ASTN1: variants seen among roughly 807,000 people sequenced by gnomAD.
ASTN1 encodes astrotactin-1.
Under a neutral mutation model 140.7 loss-of-function variants are expected in ASTN1, and 41 were observed. The observed-to-expected ratio is 0.29, with a 90% CI of 0.23 to 0.38. The LOEUF is 0.38. Ranked by LOEUF, ASTN1 falls within the 10% of genes least tolerant of loss-of-function variation. The pLI, the probability that ASTN1 is intolerant of heterozygous loss-of-function variation, is 1.00. For synonymous variants in ASTN1, 640 were observed against 652.2 expected, an observed-to-expected ratio of 0.98 and a Z score of 0.29; for missense variants, 1,479 against 1,678.8, an observed-to-expected ratio of 0.88 and a Z score of 2.08.
chr1:177,011,880 T>C (rs1244753202), intron 8 of ASTN1, among the ~76,000 whole-genome samples: 1 of 152,180 alleles, frequency 6.6e-6, no homozygotes, highest in African/African-American at 2.4e-5. Flanking sequence ...ATCAATTTTC[T>C]TCCTTGTCTG....
At chr1:177,164,029 G>T (rs1020320943) in intron 1 of ASTN1, among the ~76,000 whole-genome samples, 3 of 152,074 alleles carry the variant, frequency 2.0e-5, no homozygotes, top group Non-Finnish European at 2.9e-5. Context: ...GCTAGGGAGT[G>T]GGGAGAAGGG....
At chr1:177,113,002 C>T (rs1031014413) in intron 1 of ASTN1, among the ~76,000 whole-genome samples, 3 of 152,180 alleles carry the variant, frequency 2.0e-5, no homozygotes, top group Non-Finnish European at 2.9e-5. Flanking sequence ...TTTCCCAACG[C>T]TGAACAAAGC....
At chr1:176,878,387 C>T (rs970318669) in intron 20 of ASTN1, among the ~76,000 whole-genome samples, 1 of 151,992 alleles carries the variant, frequency 6.6e-6, no homozygotes, top group Non-Finnish European at 1.5e-5. Context: ...TGATTCCAAA[C>T]TCAAGGTCTT....
intron 22 of ASTN1, among the ~76,000 whole-genome samples, chr1:176,866,910 CAG>C (rs968235689): frequency 4.6e-5 from 7 of 152,306 alleles, no homozygotes; most frequent in African/African-American, 1.7e-4. Flanking sequence ...TATTTCAACA[CAG>C]AGGATTTTTC....
At chr1:177,016,731 C>T (rs1040873567) in intron 7 of ASTN1, among the ~76,000 whole-genome samples, 2 of 152,180 alleles carry the variant, frequency 1.3e-5, no homozygotes, top group Admixed American at 6.5e-5. Flanking sequence ...AGGTCTTTGA[C>T]AAATACTGTG....
chr1:176,904,077 C>T (rs1008450622), intron 16 of ASTN1, among the ~76,000 whole-genome samples: 3 of 152,132 alleles, frequency 2.0e-5, no homozygotes, highest in Non-Finnish European at 4.4e-5. Context: ...ATTACATTTG[C>T]AAAAACAGGT....
At chr1:176,888,456 T>G (rs1451956577) in intron 17 of ASTN1, among the ~76,000 whole-genome samples, 1 of 152,194 alleles carries the variant, frequency 6.6e-6, no homozygotes, top group Non-Finnish European at 1.5e-5. Context: ...GGCTGCCACT[T>G]TGGCAGCAAG....
chr1:177,040,790 A>G (rs557382808), intron 2 of ASTN1, among the ~76,000 whole-genome samples: 2 of 152,356 alleles, frequency 1.3e-5, no homozygotes, highest in South Asian at 4.1e-4. Context: ...TTTGTCTTCA[A>G]TTCCTGTATG....
At chr1:177,071,660 C>CTG (rs1678642293) in intron 1 of ASTN1, among the ~76,000 whole-genome samples, 1 of 152,166 alleles carries the variant, frequency 6.6e-6, no homozygotes, top group Non-Finnish European at 1.5e-5. Context: ...TTTCTCTTGG[C>CTG]TCTTCTTTAT....
intron 7 of ASTN1, among the ~76,000 whole-genome samples, chr1:177,017,717 A>C (rs572325256): frequency 5.8e-4 from 88 of 152,248 alleles, no homozygotes; most frequent in African/African-American, 2.1e-3. Context: ...CTGCAGGAGC[A>C]CTCATGCAAC....
chr1:177,037,528 G>T (rs1243597118), intron 2 of ASTN1, among the ~76,000 whole-genome samples: 4 of 152,160 alleles, frequency 2.6e-5, no homozygotes, highest in African/African-American at 9.7e-5. Flanking sequence ...TGTTCAGAAA[G>T]TATTCTTCAT....
intron 11 of ASTN1, among the ~76,000 whole-genome samples, chr1:176,951,534 T>C (rs1054146790): frequency 1.3e-5 from 2 of 152,222 alleles, no homozygotes; most frequent in Non-Finnish European, 2.9e-5. Flanking sequence ...TTTCAGCCCT[T>C]GTACCACCTA....
chr1:176,934,457 G>T lies in ASTN1; in HGVS notation c.2483-117C>A, dbSNP rs1167763229. 1.1e-5 allele frequency: 11 copies of T among 1,008,996 alleles called. No individual in the cohort carries two copies. The East Asian group carries it at 2.1e-4, about 19-fold the overall frequency. The allele number at this position is 1,008,996 out of a possible 1,614,324, so 62.5% of individuals were successfully genotyped here. ...CTGTGTGGCTCAAAGTGATGTGGGA[G>T]AGCTAGCTAGAAGTGTCTGGTGAAT... On this transcript the variant is annotated intron_variant, in intron 15 of 22. Transcript: ENST00000361833.
chr1:177,164,025 G>A (rs1191740950), intron 1 of ASTN1, among the ~76,000 whole-genome samples: 1 of 152,134 alleles, frequency 6.6e-6, no homozygotes, highest in Non-Finnish European at 1.5e-5. Flanking sequence ...TGTGGCTAGG[G>A]AGTGGGGAGA....
intron 1 of ASTN1, among the ~76,000 whole-genome samples, chr1:177,097,566 C>T (rs1247838916): frequency 6.6e-6 from 1 of 152,102 alleles, no homozygotes; most frequent in Non-Finnish European, 1.5e-5. Flanking sequence ...TATCTCTGTT[C>T]CTGGCATAAA....
At chr1:176,977,188 TAGTATAG>T (rs1353713176) in intron 8 of ASTN1, among the ~76,000 whole-genome samples, 5 of 152,272 alleles carry the variant, frequency 3.3e-5, no homozygotes, top group Non-Finnish European at 4.4e-5. Context: ...GAACTATATT[TAGTATAG>T]AGCTTTTATC....
intron 16 of ASTN1, among the ~76,000 whole-genome samples, chr1:176,917,335 G>A (rs1007779577): frequency 1.3e-5 from 2 of 152,200 alleles, no homozygotes; most frequent in East Asian, 1.9e-4. Context: ...GCTTCCCAGG[G>A]TGGGGTGGCA....
intron 22 of ASTN1, among the ~76,000 whole-genome samples, chr1:176,865,683 C>A (rs959987251): frequency 6.6e-6 from 1 of 152,196 alleles, no homozygotes; most frequent in Non-Finnish European, 1.5e-5. Context: ...TGGGCAGAAC[C>A]ACTCTTTTCT....
At chr1:176,983,839 G>A (rs550585677) in intron 8 of ASTN1, among the ~76,000 whole-genome samples, 1 of 152,322 alleles carries the variant, frequency 6.6e-6, no homozygotes, top group East Asian at 1.9e-4. Context: ...CTTGGGCACA[G>A]TGGTTGGGCA....
Sources: allele counts gnomAD v4.1 joint callset (sites outside exome capture counted in the v4.1 genomes callset), GRCh38; gene constraint gnomAD v4.1.1; transcripts MANE v1.5; gene names NCBI Gene and HGNC (gene_info 2026-07-23, HGNC 2026-07-21).